Variants in POLR1C observed in about 807,000 individuals in gnomAD.
The protein encoded by POLR1C is DNA-directed RNA polymerases I and III subunit RPAC1.
Under a neutral mutation model 38.3 loss-of-function variants are expected in POLR1C, and 42 were observed. The observed-to-expected ratio is 1.10, with a 90% CI of 0.86 to 1.42. The LOEUF is 1.42. Ranked by LOEUF, POLR1C falls within the 40% of genes most tolerant of loss-of-function variation. POLR1C has a pLI of 0.00. For missense variants in POLR1C, 507 were observed against 450.5 expected, an observed-to-expected ratio of 1.13 and a Z score of -1.14; for synonymous variants, 163 against 163.9, an observed-to-expected ratio of 0.99 and a Z score of 0.04.
chr6:43,520,023 T>G (rs1328966682), intron 4 of POLR1C, 43 bp from the exon 5 acceptor site: 1 of 1,610,994 alleles, frequency 6.2e-7, no homozygotes, highest in Non-Finnish European at 8.5e-7. Context: ...GTGCTGGCAC[T>G]CAGACGTTTA....
downstream of POLR1C, chr6:43,522,935 G>C: frequency 5.9e-6 from 1 of 168,758 alleles, no homozygotes; most frequent in South Asian, 1.2e-4. Flanking sequence ...TGGCCTTTGA[G>C]AAAAGTAACC....
In POLR1C at chr6:43,521,043, A is replaced by AT. The variant is rs1793150799; in HGVS notation, c.918dup (p.Ile307TyrfsTer5). Reference sequence around the variant, plus strand: ...AGGCTTGCCCGGGTTCGAGATCATTATATCTGTGAGTATGAAGTGGTGAGA... The same window carrying AT: ...AGGCTTGCCCGGGTTCGAGATCATTATTATCTGTGAGTATGAAGTGGTGAGA... On this transcript the variant is annotated frameshift_variant, in exon 8 of 9. Coordinates refer to ENST00000642195, the MANE Select transcript of POLR1C (RefSeq NM_203290.4). LOFTEE classifies it high-confidence loss of function. The AT allele has an allele frequency of 1.2e-6, 2 of 1,612,808 alleles. No individual in the cohort carries two copies. The highest frequency in any genetic ancestry group is 1.7e-6 in the Non-Finnish European group (2 of 1,178,876).
At chr6:43,539,654 G>C (rs1794577304) in intron 9 of POLR1C, 2 of 1,184,886 alleles carry the variant, frequency 1.7e-6, no homozygotes, top group African/African-American at 1.5e-5. Flanking sequence ...CCCCATCCCA[G>C]GGCCACCAGG....
chr6:43,519,566 T>C lies in POLR1C; in HGVS notation c.249+126T>C, dbSNP rs1367617100. 4 of 1,443,718 alleles carry C rather than the reference T, an allele frequency of 2.8e-6. No homozygotes were observed. In the African/African-American group the frequency reaches 5.6e-5, roughly 20 times the overall value. 89.4% of individuals were successfully genotyped at this position (1,443,718 alleles called of 1,614,324 possible). A position where few individuals can be genotyped will look rare whatever the true frequency, so the allele number is the denominator to read the frequency against. Reference sequence around the variant, plus strand: ...TTTCCTGGAATTTTGCTGAGCATTTTACCTTCTCATTCTTTGTAAATTTCT... The same window carrying C: ...TTTCCTGGAATTTTGCTGAGCATTTCACCTTCTCATTCTTTGTAAATTTCT... On this transcript the variant is annotated intron_variant, in intron 3 of 8. Coordinates refer to ENST00000642195, the MANE Select transcript of POLR1C (RefSeq NM_203290.4).
intron 9 of POLR1C, among the ~76,000 whole-genome samples, chr6:43,535,686 C>T (rs1225749364): frequency 3.3e-5 from 5 of 151,322 alleles, no homozygotes; most frequent in Non-Finnish European, 5.9e-5. Context: ...TGGTGGCGGG[C>T]GCCTGTAGTC....
intron 10 of POLR1C, among the ~76,000 whole-genome samples, chr6:43,552,500 G>A (rs1454175640): frequency 2.6e-5 from 4 of 152,058 alleles, no homozygotes; most frequent in Non-Finnish European, 5.9e-5. Context: ...TTACAGACAT[G>A]CACCAGCATG....
intron 9 of POLR1C, chr6:43,548,146 T>C (rs1795054363): frequency 2.9e-6 from 3 of 1,044,162 alleles, no homozygotes; most frequent in Admixed American, 2.6e-5. Flanking sequence ...TCAGATATCA[T>C]GGATAATGCC....
intron 10 of POLR1C, among the ~76,000 whole-genome samples, chr6:43,559,579 C>T (rs539507136): frequency 6.6e-6 from 1 of 152,280 alleles, no homozygotes; most frequent in East Asian, 1.9e-4. Context: ...CTGACTCAAC[C>T]CTCCTATGTA....
At chr6:43,553,270 T>G (rs1795338191) in intron 10 of POLR1C, 2 of 1,401,048 alleles carry the variant, frequency 1.4e-6, no homozygotes, top group Non-Finnish European at 1.9e-6. Context: ...CCACTGCATT[T>G]CAGCCTGAGC....
intron 9 of POLR1C, among the ~76,000 whole-genome samples, chr6:43,541,431 A>C (rs910456359): frequency 1.3e-5 from 2 of 152,240 alleles, no homozygotes; most frequent in African/African-American, 4.8e-5. Context: ...CTAACAAAAA[A>C]CATCCCCACC....
chr6:43,546,441 G>T, intron 9 of POLR1C: 1 of 892,348 alleles, frequency 1.1e-6, no homozygotes, highest in Non-Finnish European at 1.5e-6. Context: ...ACACCCTCTA[G>T]AAAGAAATAA....
rs1793179050 is a variant in POLR1C, at chr6:43,521,355, C to T, written c.*55C>T. 8 of 1,610,676 alleles carry T rather than the reference C, an allele frequency of 5.0e-6. No homozygotes were observed. Among genetic ancestry groups the T allele is most frequent in the South Asian group, 4.4e-5 (4 of 90,556 alleles). Reference sequence around the variant, plus strand: ...TTTGGGTTCTGACTGACCCACCCTACAGGACTGCTGAACAGAGAGCCCAGT... The same window carrying T: ...TTTGGGTTCTGACTGACCCACCCTATAGGACTGCTGAACAGAGAGCCCAGT... On this transcript the variant is annotated 3_prime_UTR_variant, in exon 9 of 9. Transcript: ENST00000642195.
downstream of POLR1C, among the ~76,000 whole-genome samples, chr6:43,532,198 A>G (rs1794031946): frequency 6.6e-6 from 1 of 152,162 alleles, no homozygotes; most frequent in Admixed American, 6.5e-5. Context: ...CATTTCTTGG[A>G]ATTTCTACTT....
intron 10 of POLR1C, chr6:43,561,322 C>T (rs1187053813): frequency 3.6e-6 from 1 of 278,326 alleles, no homozygotes; most frequent in Admixed American, 4.8e-5. Flanking sequence ...TTCCTCAGAC[C>T]TTACCTATTC....
At chr6:43,532,464 A>G (rs1794045026), downstream of POLR1C, among the ~76,000 whole-genome samples, 1 of 152,228 alleles carries the variant, frequency 6.6e-6, no homozygotes, top group African/African-American at 2.4e-5. Context: ...GATGGGAACA[A>G]GGTTTAGACA....
intron 9 of POLR1C, among the ~76,000 whole-genome samples, chr6:43,537,802 C>T (rs1425182166): frequency 6.6e-6 from 1 of 152,068 alleles, no homozygotes; most frequent in Non-Finnish European, 1.5e-5. Flanking sequence ...CATGGTAGCT[C>T]ACGGCTGTAA....
chr6:43,544,704 G>A (rs1794880134), intron 9 of POLR1C, among the ~76,000 whole-genome samples: 1 of 152,134 alleles, frequency 6.6e-6, no homozygotes, highest in South Asian at 2.1e-4. Context: ...AGCAGGCTCA[G>A]CTGTCCGAGA....
Position 43,520,076 on chromosome 6 carries a change from A to C in POLR1C, c.393A>C (p.Glu131Asp), listed in dbSNP as rs1793060412. Residue 131 changes from glutamate to aspartate, a missense_variant, in exon 5 of 9, where the codon GAA becomes GAC. Coordinates refer to ENST00000642195, the MANE Select transcript of POLR1C (RefSeq NM_203290.4). ...LFEYRNQGDE[E>D]GTEIDTLQFR... ...CCTCCATTTGTGCAGGAGATGAAGA[A>C]GGCACAGAGATAGATACTCTACAGT... The C allele has an allele frequency of 6.2e-7, 1 of 1,614,200 alleles. No homozygotes were observed. The highest frequency in any genetic ancestry group is 1.6e-4 in the Middle Eastern group (1 of 6,062).
intron 9 of POLR1C, among the ~76,000 whole-genome samples, chr6:43,540,225 A>C (rs1412011990): frequency 6.6e-6 from 1 of 152,222 alleles, no homozygotes; most frequent in Non-Finnish European, 1.5e-5. Context: ...CCCTGTCTCT[A>C]CTGAAGATAC....
Sources: gnomAD v4.1 joint callset for allele counts (sites outside exome capture counted in the v4.1 genomes callset) on GRCh38, gnomAD v4.1.1 for gene constraint, MANE v1.5 for transcripts, NCBI Gene and HGNC (gene_info 2026-07-23, HGNC 2026-07-21) for gene names.